Variants in RARB observed in about 807,000 individuals in gnomAD.
The protein encoded by RARB is HBV-activated protein.
A neutral mutation model predicts 51.9 loss-of-function variants in RARB; 17 were observed. The ratio of observed to expected loss-of-function variants is 0.33; its 90% CI spans 0.22 to 0.49. The LOEUF (loss-of-function observed/expected upper bound fraction) is 0.49, where lower values mean the gene tolerates loss of function less well. Ranked by LOEUF, RARB falls within the 20% of genes least tolerant of loss-of-function variation. The pLI is 0.99. For synonymous variants in RARB, 215 were observed against 195.4 expected, an observed-to-expected ratio of 1.10 and a Z score of -0.84; for missense variants, 369 against 550.8, an observed-to-expected ratio of 0.67 and a Z score of 3.30.
chr3:25,540,098 T>G (rs2125654029), intron 3 of RARB, among the ~76,000 whole-genome samples: 1 of 152,302 alleles, frequency 6.6e-6, no homozygotes, highest in East Asian at 1.9e-4. Context: ...AAAAGGATAA[T>G]AATGCTAAGT....
At chr3:25,179,330 G>A (rs925520211) in intron 5 of RARB, among the ~76,000 whole-genome samples, 1 of 152,160 alleles carries the variant, frequency 6.6e-6, no homozygotes, top group African/African-American at 2.4e-5. Flanking sequence ...TTGATGGCAA[G>A]TAAATCCAAC....
At chr3:25,205,099 G>T (rs1266039345) in intron 5 of RARB, among the ~76,000 whole-genome samples, 1 of 152,142 alleles carries the variant, frequency 6.6e-6, no homozygotes. Flanking sequence ...GGCTGCTTTG[G>T]TTACCTACTC....
At chr3:25,374,122 G>C (rs1706385895) in intron 5 of RARB, among the ~76,000 whole-genome samples, 1 of 152,152 alleles carries the variant, frequency 6.6e-6, no homozygotes, top group African/African-American at 2.4e-5. Flanking sequence ...TGAATGGTGA[G>C]GGTAGGAGGG....
chr3:24,952,168 G>A (rs1432804928), intron 2 of RARB, among the ~76,000 whole-genome samples: 1 of 152,030 alleles, frequency 6.6e-6, no homozygotes, highest in Non-Finnish European at 1.5e-5. Context: ...TGAGCCAAGA[G>A]TTCAAGGCCA....
intron 5 of RARB, among the ~76,000 whole-genome samples, chr3:25,243,668 C>T (rs13078100): frequency 2.6e-5 from 4 of 152,142 alleles, no homozygotes; most frequent in South Asian, 2.1e-4. Flanking sequence ...CTGACTTGGT[C>T]GTGGTGGATA....
At chr3:25,382,236 C>G (rs1282595667) in intron 5 of RARB, among the ~76,000 whole-genome samples, 2 of 152,216 alleles carry the variant, frequency 1.3e-5, no homozygotes, top group African/African-American at 2.4e-5. Flanking sequence ...TAGATTTAAA[C>G]ATGAGTGCTT....
At chr3:25,475,419 C>T (rs1439776432) in intron 2 of RARB, among the ~76,000 whole-genome samples, 2 of 151,604 alleles carry the variant, frequency 1.3e-5, no homozygotes, top group East Asian at 1.9e-4. Context: ...GGATCCCCTG[C>T]AAAAAATCAC....
At chr3:25,216,684 C>G (rs932404756) in intron 5 of RARB, among the ~76,000 whole-genome samples, 9 of 151,030 alleles carry the variant, frequency 6.0e-5, no homozygotes, top group African/African-American at 2.2e-4. Flanking sequence ...TCTGCACATT[C>G]TGCACGTGTA....
intron 2 of RARB, among the ~76,000 whole-genome samples, chr3:25,492,341 G>A (rs1157525382): frequency 6.6e-6 from 1 of 152,162 alleles, no homozygotes; most frequent in Non-Finnish European, 1.5e-5. Flanking sequence ...CTTACTATTG[G>A]TTTCCAGTTT....
chr3:25,528,562 C>G (rs1698756425), intron 3 of RARB, among the ~76,000 whole-genome samples: 1 of 151,942 alleles, frequency 6.6e-6, no homozygotes, highest in Non-Finnish European at 1.5e-5. Context: ...GGACTCCCCT[C>G]CTGCCATGTG....
intron 2 of RARB, among the ~76,000 whole-genome samples, chr3:25,032,791 T>G (rs1697902370): frequency 6.6e-6 from 1 of 152,234 alleles, no homozygotes; most frequent in Non-Finnish European, 1.5e-5. Flanking sequence ...GTAACTTGCC[T>G]TCTAAGAATT....
At chr3:25,460,021 T>C (rs1383293022) in intron 1 of RARB, among the ~76,000 whole-genome samples, 1 of 152,212 alleles carries the variant, frequency 6.6e-6, no homozygotes, top group East Asian at 1.9e-4. Flanking sequence ...CCATTTCCCA[T>C]GGAATTTGGG....
In RARB at chr3:25,410,319, A is replaced by C. The variant is rs141530427; in HGVS notation, c.179-50874A>C. 2.6e-3 allele frequency among the ~76,000 whole-genome samples: 399 copies of C among 152,326 alleles called. 3 individuals are homozygous for C. Among genetic ancestry groups the C allele is most frequent in the African/African-American group, 9.0e-3 (373 of 41,568 alleles). On this transcript the variant is annotated intron_variant, in intron 5 of 11. Transcript: ENST00000383772. ...AGGTGCTGCCTTTAAACCATATCAC[A>C]AATCTGTCTCTCTTACTTTCTTTTA...
upstream of RARB, among the ~76,000 whole-genome samples, chr3:25,425,022 T>G (rs1407780222): frequency 1.3e-5 from 2 of 152,230 alleles, no homozygotes; most frequent in East Asian, 3.8e-4. Flanking sequence ...AAGTTTTGCT[T>G]TTTGTTTTTC....
chr3:25,089,885 C>A (rs1167546092), intron 3 of RARB, among the ~76,000 whole-genome samples: 3 of 152,200 alleles, frequency 2.0e-5, no homozygotes, highest in African/African-American at 4.8e-5. Flanking sequence ...AAAGACAGTT[C>A]CCAGATGTTA....
intron 2 of RARB, among the ~76,000 whole-genome samples, chr3:25,496,830 T>A (rs1040115473): frequency 6.6e-6 from 1 of 152,138 alleles, no homozygotes; most frequent in African/African-American, 2.4e-5. Flanking sequence ...AGAGTACCAT[T>A]ACGGTGTCAG....
intron 3 of RARB, among the ~76,000 whole-genome samples, chr3:25,127,593 A>C (rs1041909660): frequency 6.6e-6 from 1 of 152,112 alleles, no homozygotes; most frequent in Admixed American, 6.5e-5. Context: ...CTAGGTTATA[A>C]GCTCCACAGG....
At chr3:25,019,856 C>T (rs1162625015) in intron 2 of RARB, among the ~76,000 whole-genome samples, 1 of 152,072 alleles carries the variant, frequency 6.6e-6, no homozygotes, top group East Asian at 1.9e-4. Context: ...TGAGGTCTTC[C>T]ATGGGGGCAC....
intron 3 of RARB, among the ~76,000 whole-genome samples, chr3:25,081,786 G>C (rs1456878109): frequency 4.0e-5 from 6 of 149,642 alleles, no homozygotes; most frequent in Non-Finnish European, 8.9e-5. Context: ...GTGCCCACCA[G>C]CTCGCCCAGC....
Sources: allele counts gnomAD v4.1 joint callset (sites outside exome capture counted in the v4.1 genomes callset), GRCh38; gene constraint gnomAD v4.1.1; transcripts MANE v1.5; gene names NCBI Gene and HGNC (gene_info 2026-07-23, HGNC 2026-07-21).